MEGF11: variants seen among roughly 807,000 people sequenced by gnomAD.
The protein encoded by MEGF11 is multiple EGF like domains 11, also known as multiple epidermal growth factor-like domains protein 11.
A neutral mutation model predicts 146.6 loss-of-function variants in MEGF11; 126 were observed. The ratio of observed to expected loss-of-function variants is 0.86; its 90% CI spans 0.74 to 1.00. The LOEUF (loss-of-function observed/expected upper bound fraction) is 1.00, where lower values mean the gene tolerates loss of function less well. Ranked by LOEUF, MEGF11 falls within the 50% of genes least tolerant of loss-of-function variation. MEGF11 has a pLI of 0.00. For synonymous variants in MEGF11, 532 were observed against 583.4 expected (o/e 0.91, Z 1.27); for missense variants, 1,509 against 1,521.2 (o/e 0.99, Z 0.13).
chr15:66,046,231 TTTC>T (rs1474116627), intron 5 of MEGF11, among the ~76,000 whole-genome samples: 41 of 152,292 alleles, frequency 2.7e-4, no homozygotes, highest in Admixed American at 1.6e-3. Context: ...CTTGCCTTAT[TTTC>T]TTCTTTCTCT....
At position 65,922,877 on chromosome 15, in the gene MEGF11, C is replaced by G; in HGVS notation, c.1768G>C (p.Glu590Gln). 6.2e-7 allele frequency: 1 copy of G among 1,613,474 alleles called. No individual in the cohort carries two copies. Among genetic ancestry groups the G allele is most frequent in the Non-Finnish European group, 8.5e-7 (1 of 1,179,760 alleles). Residue 590 changes from glutamate to glutamine, a missense_variant, in exon 14 of 26, where the codon GAG becomes CAG. Glu to Gln is a conservative substitution (Grantham distance 29, BLOSUM62 2). Transcript: ENST00000395614. ...SCENGGSCSP[E>Q]DGSCECAPGF... ...GGGGCACACTCGCAGCTCCCATCCT[C>G]TGGGGAGCAGGAGCCTCCATTCTCA...
In MEGF11 at chr15:65,936,928, G is replaced by A. The variant is rs2079809257; in HGVS notation, c.1288-5985C>T. ...GGGCTCTTGTGAGAAAGGAAAGCCA[G>A]GAGATCCTGGTCTATGCTTCCATGC... On this transcript the variant is annotated intron_variant, in intron 10 of 25. Transcript: ENST00000395614. Among the ~76,000 whole-genome samples the A allele has an allele frequency of 2.0e-5, 3 of 152,332 alleles. No individual in the cohort carries two copies. The South Asian group carries it at 6.2e-4, about 32-fold the overall frequency.
chr15:66,138,627 G>A (rs2089001930), intron 1 of MEGF11, among the ~76,000 whole-genome samples: 1 of 152,124 alleles, frequency 6.6e-6, no homozygotes. Context: ...GCAAGCACAG[G>A]GAGCCCTGGA....
At chr15:66,030,739 G>T (rs891162689) in intron 5 of MEGF11, among the ~76,000 whole-genome samples, 4 of 152,088 alleles carry the variant, frequency 2.6e-5, no homozygotes, top group African/African-American at 7.2e-5. Flanking sequence ...AGGCTTTGGA[G>T]CCCCTGCAGT....
chr15:66,157,738 A>G (rs1280096114), intron 1 of MEGF11, among the ~76,000 whole-genome samples: 1 of 152,256 alleles, frequency 6.6e-6, no homozygotes, highest in African/African-American at 2.4e-5. Flanking sequence ...GAGTGTATAT[A>G]GTTGTCTATG....
At chr15:65,916,507 G>A (rs1466261881) in intron 17 of MEGF11, 2 of 663,714 alleles carry the variant, frequency 3.0e-6, no homozygotes, top group African/African-American at 1.8e-5. Flanking sequence ...GGTCAGGCTA[G>A]GGTCTACTTC....
At chr15:66,242,219 C>A (rs1397916363) in intron 1 of MEGF11, among the ~76,000 whole-genome samples, 1 of 151,602 alleles carries the variant, frequency 6.6e-6, no homozygotes, top group East Asian at 1.9e-4. Context: ...CCAGCCTGGG[C>A]AACACAGGGA....
At position 65,915,553 on chromosome 15, in the gene MEGF11, T is replaced by G; in HGVS notation, c.2390A>C (p.Glu797Ala). ...TFGYGCQQLC[E>A]CMNNSTCDHV... ...GTCACAGGTGGAGTTGTTCATGCACTCACATAGCTGCTGACACCCATAGCC... is the reference window on the plus strand; with the variant it reads ...GTCACAGGTGGAGTTGTTCATGCACGCACATAGCTGCTGACACCCATAGCC... The change falls in exon 19 of 26, where the codon GAG becomes GCG. Residue 797 changes from glutamate to alanine, a missense_variant. Glu to Ala is a moderately radical substitution (Grantham distance 107, BLOSUM62 -1). Transcript: ENST00000395614. 1 of 1,613,936 alleles carries G rather than the reference T, an allele frequency of 6.2e-7. No individual in the cohort carries two copies. The highest frequency in any genetic ancestry group is 8.5e-7 in the Non-Finnish European group (1 of 1,179,858).
intron 1 of MEGF11, among the ~76,000 whole-genome samples, chr15:66,176,283 AG>A (rs972366270): frequency 2.6e-5 from 4 of 152,210 alleles, no homozygotes; most frequent in African/African-American, 9.7e-5. Context: ...GCACTACCAT[AG>A]GATCCACCAG....
chr15:65,984,041 A>G (rs2081756719), intron 5 of MEGF11, among the ~76,000 whole-genome samples: 1 of 152,072 alleles, frequency 6.6e-6, no homozygotes, highest in East Asian at 1.9e-4. Flanking sequence ...AGACAGAATC[A>G]CCAAGGCCTG....
intron 5 of MEGF11, among the ~76,000 whole-genome samples, chr15:65,985,255 C>T (rs2081813717): frequency 6.6e-6 from 1 of 152,200 alleles, no homozygotes; most frequent in African/African-American, 2.4e-5. Flanking sequence ...AAGCCCAGCT[C>T]TCCTGGTTCT....
At chr15:66,202,245 C>T (rs959072238) in intron 1 of MEGF11, among the ~76,000 whole-genome samples, 4 of 152,126 alleles carry the variant, frequency 2.6e-5, no homozygotes, top group Non-Finnish European at 5.9e-5. Context: ...ACCCCAAATG[C>T]GTACACACAC....
intron 5 of MEGF11, among the ~76,000 whole-genome samples, chr15:66,003,634 C>T (rs146030125): frequency 4.3e-4 from 66 of 152,270 alleles, no homozygotes; most frequent in African/African-American, 1.5e-3. Context: ...CCACCTCTGC[C>T]CACCCCAGAA....
intron 3 of MEGF11, among the ~76,000 whole-genome samples, chr15:66,123,673 C>T (rs1264653142): frequency 1.3e-5 from 2 of 152,154 alleles, no homozygotes; most frequent in African/African-American, 4.8e-5. Flanking sequence ...TCTCCCCATC[C>T]CTGGTTGAGG....
intron 5 of MEGF11, among the ~76,000 whole-genome samples, chr15:66,032,335 A>G (rs1269492548): frequency 2.6e-5 from 4 of 152,222 alleles, no homozygotes; most frequent in South Asian, 2.1e-4. Flanking sequence ...GAAAAATGGG[A>G]TTGTTGTTAC....
At chr15:66,002,011 T>C (rs1044500017) in intron 5 of MEGF11, among the ~76,000 whole-genome samples, 2 of 151,974 alleles carry the variant, frequency 1.3e-5, no homozygotes, top group Admixed American at 6.6e-5. Flanking sequence ...GCTAATTGAA[T>C]ACTGGGGGTG....
intron 5 of MEGF11, among the ~76,000 whole-genome samples, chr15:66,006,192 A>C (rs1437527892): frequency 6.6e-6 from 1 of 152,202 alleles, no homozygotes; most frequent in Non-Finnish European, 1.5e-5. Context: ...GAGGAGAGGC[A>C]GGCTGGGACT....
At chr15:65,984,970 T>C (rs1339906265) in intron 5 of MEGF11, among the ~76,000 whole-genome samples, 1 of 151,968 alleles carries the variant, frequency 6.6e-6, no homozygotes, top group African/African-American at 2.4e-5. Flanking sequence ...GGTTTCACCA[T>C]GTTGGCCGGG....
At chr15:65,990,591 G>GAAAGA (rs1258894078) in intron 5 of MEGF11, among the ~76,000 whole-genome samples, 11 of 92,200 alleles carry the variant, frequency 1.2e-4, no homozygotes, top group Non-Finnish European at 1.6e-4. Flanking sequence ...AGGAAAGAAA[G>GAAAGA]AAAGAAAAGA....
Sources: allele counts gnomAD v4.1 joint callset (sites outside exome capture counted in the v4.1 genomes callset), GRCh38; gene constraint gnomAD v4.1.1; transcripts MANE v1.5; gene names NCBI Gene and HGNC (gene_info 2026-07-23, HGNC 2026-07-21).